Variants in GNB1L observed in about 807,000 individuals in gnomAD.
GNB1L encodes the protein guanine nucleotide-binding protein subunit beta-like protein 1.
Under a neutral mutation model 29.1 loss-of-function variants are expected in GNB1L, and 20 were observed. The ratio of observed to expected loss-of-function variants is 0.69; its 90% CI spans 0.48 to 1.00. The LOEUF is 1.00. Among genes scored for constraint, GNB1L ranks in the 50% least tolerant of loss-of-function variants. GNB1L has a pLI of 0.00. For synonymous variants in GNB1L, 193 were observed against 206.5 expected (o/e 0.93, Z 0.56); for missense variants, 421 against 464.9 (o/e 0.91, Z 0.87).
At chr22:19,821,184 G>A (rs1194930586) in intron 3 of GNB1L, 44 bp downstream of exon 3, 1 of 1,580,260 alleles carries the variant, frequency 6.3e-7, no homozygotes, top group South Asian at 1.1e-5. Flanking sequence ...ACGACCTCCT[G>A]ACTTGGCCCT....
chr22:19,821,031 AAG>A (rs1365126867), intron 3 of GNB1L, among the ~76,000 whole-genome samples, 195 bp downstream of exon 3: 1 of 152,110 alleles, frequency 6.6e-6, no homozygotes, highest in African/African-American at 2.4e-5. Context: ...GTCTGTAACA[AAG>A]AGTGTGTGTG....
intron 2 of GNB1L, among the ~76,000 whole-genome samples, chr22:19,824,308 C>A (rs544389539): frequency 1.3e-5 from 2 of 152,362 alleles, no homozygotes; most frequent in South Asian, 4.1e-4. Context: ...ATTCCCCTAT[C>A]TTGCCTGGCC....
intron 2 of GNB1L, among the ~76,000 whole-genome samples, chr22:19,829,227 A>C (rs887366819): frequency 1.3e-5 from 2 of 152,246 alleles, no homozygotes; most frequent in Non-Finnish European, 2.9e-5. Context: ...GATACTACAG[A>C]TCTATAATGG....
intron 2 of GNB1L, among the ~76,000 whole-genome samples, chr22:19,823,279 G>A (rs767597794): frequency 7.2e-5 from 11 of 152,286 alleles, no homozygotes; most frequent in Non-Finnish European, 1.2e-4. Flanking sequence ...AAACTTAAGG[G>A]TGGCTTCCAG....
chr22:19,806,883 C>T (rs1408302575), intron 5 of GNB1L, 126 bp from the exon 6 acceptor site: 3 of 744,366 alleles, frequency 4.0e-6, no homozygotes, highest in Non-Finnish European at 7.1e-6. Context: ...TCCCCGTGGG[C>T]ACCTGGGAGC....
At position 19,846,571 on chromosome 22, in the gene GNB1L, C is replaced by T. The variant is rs557740913; in HGVS notation, c.-21+7872G>A. Reference sequence around the variant, plus strand: ...AACCAGAGAAGCCTATCGCGGGCACCGCTGTGGGCAGAACTATGTCCCTTC... The same window carrying T: ...AACCAGAGAAGCCTATCGCGGGCACTGCTGTGGGCAGAACTATGTCCCTTC... On this transcript the variant is annotated intron_variant, in intron 2 of 7. Transcript: ENST00000329517. 53 of 985,298 alleles carry T rather than the reference C, an allele frequency of 5.4e-5. No homozygotes were observed. In the East Asian group the frequency reaches 5.7e-4, roughly 11 times the overall value. The allele number at this position is 985,298 out of a possible 1,614,324, so 61.0% of individuals were successfully genotyped here. A position where few individuals can be genotyped will look rare whatever the true frequency, so the allele number is the denominator to read the frequency against.
intron 7 of GNB1L, among the ~76,000 whole-genome samples, chr22:19,799,523 G>C (rs1937344199): frequency 2.0e-5 from 3 of 152,256 alleles, no homozygotes; most frequent in Admixed American, 6.5e-5. Context: ...TCAGGTGCCA[G>C]GAATGCGTGG....
At chr22:19,825,273 G>T (rs550587235) in intron 2 of GNB1L, among the ~76,000 whole-genome samples, 1 of 152,186 alleles carries the variant, frequency 6.6e-6, no homozygotes, top group East Asian at 1.9e-4. Context: ...TTTACACCAG[G>T]ACGGACACCC....
rs1937214558 is a variant in GNB1L at position 19,788,628 on chromosome 22, T to G, written c.*81A>C. The G allele has an allele frequency of 6.4e-6, 10 of 1,551,440 alleles. No homozygotes were observed. Among genetic ancestry groups the G allele is most frequent in the African/African-American group, 1.4e-5 (1 of 73,678 alleles). The stretch of plus-strand genomic sequence containing the variant: ...ATGACTTGCTGGTCCTCAGAGGCCC[T>G]TGAGGTTTCAGGCCAAGGCTGGGGC... On this transcript the variant is annotated 3_prime_UTR_variant, in exon 8 of 8. Coordinates refer to ENST00000329517, the MANE Select transcript of GNB1L (RefSeq NM_053004.3).
intron 7 of GNB1L, 144 bp from the exon 8 acceptor site, chr22:19,789,104 C>G: frequency 1.2e-6 from 1 of 866,834 alleles, no homozygotes; most frequent in Non-Finnish European, 1.8e-6. Context: ...ACCCAGCTGA[C>G]CTCCCACTCT....
chr22:19,843,609 A>G (rs902322949), intron 2 of GNB1L, among the ~76,000 whole-genome samples: 1 of 152,148 alleles, frequency 6.6e-6, no homozygotes, highest in African/African-American at 2.4e-5. Context: ...TGCATCAGGC[A>G]TATCCGTCTC....
intron 2 of GNB1L, among the ~76,000 whole-genome samples, chr22:19,824,774 T>C (rs1465760111): frequency 1.3e-5 from 2 of 152,230 alleles, no homozygotes; most frequent in African/African-American, 4.8e-5. Context: ...GCAAATGTCC[T>C]GCTGGCGCAA....
intron 2 of GNB1L, among the ~76,000 whole-genome samples, chr22:19,827,009 C>G (rs963042212): frequency 1.3e-5 from 2 of 151,914 alleles, no homozygotes; most frequent in Non-Finnish European, 1.5e-5. Context: ...GCATGATGAC[C>G]AAACATGACA....
intron 4 of GNB1L, among the ~76,000 whole-genome samples, chr22:19,819,822 A>T (rs1283692243): frequency 6.6e-6 from 1 of 152,112 alleles, no homozygotes; most frequent in South Asian, 2.1e-4. Context: ...GAGACACTGC[A>T]GGGGGGACCA....
intron 2 of GNB1L, among the ~76,000 whole-genome samples, chr22:19,845,425 C>T (rs1180024499): frequency 1.3e-5 from 2 of 152,226 alleles, no homozygotes; most frequent in African/African-American, 4.8e-5. Context: ...AGTGCTCAGA[C>T]ACAGAGGTGA....
At chr22:19,792,757 T>C in intron 7 of GNB1L, 1 of 1,501,332 alleles carries the variant, frequency 6.7e-7, no homozygotes, top group South Asian at 1.2e-5. Flanking sequence ...GCTCAGCTGG[T>C]GGTGATTGCA....
In GNB1L at chr22:19,802,102, C is replaced by T. The variant is rs558606059; in HGVS notation, c.631G>A (p.Val211Ile). 4.5e-5 allele frequency: 73 copies of T among 1,613,542 alleles called. 1 individual carries two copies. The South Asian group carries it at 5.9e-4, about 13-fold the overall frequency. ...CSRIACHEEP[V>I]MDLDFDSQKA... ...TGGGAGTCAAAGTCAAGGTCCATGA[C>T]GGGCTCCTCATGGCAGGCGATGCGG... The change falls in exon 7 of 8, where the codon GTC becomes ATC. Residue 211 changes from valine (V) to isoleucine (I), a missense_variant. Transcript: ENST00000329517.
chr22:19,840,694 C>T (rs1380576715), intron 2 of GNB1L, among the ~76,000 whole-genome samples: 1 of 152,128 alleles, frequency 6.6e-6, no homozygotes, highest in Non-Finnish European at 1.5e-5. Flanking sequence ...CCTGTAATCC[C>T]AGCTACTGGG....
chr22:19,825,285 G>A (rs536370120), intron 2 of GNB1L, among the ~76,000 whole-genome samples: 2 of 152,340 alleles, frequency 1.3e-5, no homozygotes, highest in East Asian at 3.9e-4. Flanking sequence ...CGGACACCCT[G>A]GGTGGCCCTC....
Sources: gnomAD v4.1 joint callset for allele counts (sites outside exome capture counted in the v4.1 genomes callset) on GRCh38, gnomAD v4.1.1 for gene constraint, MANE v1.5 for transcripts, NCBI Gene and HGNC (gene_info 2026-07-23, HGNC 2026-07-21) for gene names.